KIAA1549L: variants seen among roughly 807,000 people sequenced by gnomAD.
KIAA1549L encodes the protein KIAA1549 like.
KIAA1549L carries 88 observed loss-of-function variants against 160.7 expected under a neutral mutation model. That is an observed-to-expected ratio of 0.55 (90% CI 0.46 to 0.65). The LOEUF (loss-of-function observed/expected upper bound fraction) is 0.65, where lower values mean the gene tolerates loss of function less well. Ranked by LOEUF, KIAA1549L falls within the 30% of genes least tolerant of loss-of-function variation. The pLI, the probability that KIAA1549L is intolerant of heterozygous loss-of-function variation, is 0.00. For missense variants in KIAA1549L, 2,258 were observed against 2,437.5 expected, an observed-to-expected ratio of 0.93 and a Z score of 1.55; for synonymous variants, 950 against 976.7, an observed-to-expected ratio of 0.97 and a Z score of 0.51.
intron 16 of KIAA1549L, among the ~76,000 whole-genome samples, chr11:33,635,746 T>G (rs966538517): frequency 6.6e-6 from 1 of 152,080 alleles, no homozygotes; most frequent in African/African-American, 2.4e-5. Flanking sequence ...CTTTTACTGT[T>G]GAAGACTTTT....
chr11:33,397,602 C>T (rs1234591172), intron 1 of KIAA1549L, among the ~76,000 whole-genome samples: 3 of 151,780 alleles, frequency 2.0e-5, no homozygotes, highest in Non-Finnish European at 4.4e-5. Flanking sequence ...GTCCCAGCTA[C>T]TCGGGAGGCT....
chr11:33,562,228 G>T (rs1854883954), intron 8 of KIAA1549L, among the ~76,000 whole-genome samples: 1 of 152,158 alleles, frequency 6.6e-6, no homozygotes, highest in Non-Finnish European at 1.5e-5. Flanking sequence ...TTTCTCTTTT[G>T]TTCCTTGACA....
At chr11:33,379,840 C>T (rs548333444) in intron 1 of KIAA1549L, among the ~76,000 whole-genome samples, 1 of 152,286 alleles carries the variant, frequency 6.6e-6, no homozygotes, top group Admixed American at 6.5e-5. Context: ...TTTAAAATGG[C>T]AGAAACGATG....
chr11:33,499,934 C>T (rs1179942689), intron 1 of KIAA1549L, among the ~76,000 whole-genome samples: 2 of 152,174 alleles, frequency 1.3e-5, no homozygotes, highest in East Asian at 1.9e-4. Context: ...TTTCAAGGCT[C>T]TCTGGAGTTT....
At chr11:33,599,006 C>T (rs78676199) in intron 13 of KIAA1549L, 59 bp downstream of exon 13, 2 of 1,581,246 alleles carry the variant, frequency 1.3e-6, no homozygotes, top group Admixed American at 1.7e-5. Context: ...CCCGCACACA[C>T]ATGCGTGCAC....
At chr11:33,525,964 T>A (rs972713200) in intron 1 of KIAA1549L, among the ~76,000 whole-genome samples, 7 of 152,020 alleles carry the variant, frequency 4.6e-5, no homozygotes, top group Admixed American at 4.6e-4. Context: ...TTCCCCACAG[T>A]TGCTGCAGCA....
chr11:33,625,156 C>T (rs975721751), intron 16 of KIAA1549L, among the ~76,000 whole-genome samples: 2 of 151,606 alleles, frequency 1.3e-5, no homozygotes, highest in African/African-American at 4.8e-5. Flanking sequence ...TCCAGTCTAT[C>T]ATTGTTGGAC....
Position 33,576,958 on chromosome 11 carries a change from T to C in KIAA1549L, c.4402+2085T>C, listed in dbSNP as rs114563249. On this transcript the variant is annotated intron_variant, in intron 10 of 20. Transcript: ENST00000658780. ...TCAACATATAGGTGACATTTAGAGC[T>C]AAGGGAATAGGTGAGAATAACCAGG... 6.0e-3 allele frequency among the ~76,000 whole-genome samples: 913 copies of C among 152,120 alleles called. 16 individuals are homozygous for C. The highest frequency in any genetic ancestry group is 0.021 in the African/African-American group (878 of 41,494).
At chr11:33,650,343 T>C (rs566861326) in intron 17 of KIAA1549L, among the ~76,000 whole-genome samples, 193 of 152,216 alleles carry the variant, frequency 1.3e-3, no homozygotes, top group African/African-American at 4.4e-3. Context: ...AGAGGGAAGG[T>C]GGGAGAGGAA....
chr11:33,455,987 G>A (rs1312278952), intron 1 of KIAA1549L, among the ~76,000 whole-genome samples: 1 of 152,186 alleles, frequency 6.6e-6, no homozygotes, highest in Non-Finnish European at 1.5e-5. Flanking sequence ...GGTCTGATGT[G>A]TGAGTGATGG....
At chr11:33,399,474 G>A (rs866604727) in intron 1 of KIAA1549L, among the ~76,000 whole-genome samples, 2 of 152,140 alleles carry the variant, frequency 1.3e-5, no homozygotes, top group African/African-American at 2.4e-5. Flanking sequence ...TTTCAGATAA[G>A]ATAAAATTCT....
chr11:33,378,491 CTCTT>C (rs1359955079), intron 1 of KIAA1549L, among the ~76,000 whole-genome samples: 1 of 152,150 alleles, frequency 6.6e-6, no homozygotes, highest in African/African-American at 2.4e-5. Flanking sequence ...CCCTGGTGTC[CTCTT>C]TCTTTTTCCT....
At chr11:33,561,587 C>A in intron 7 of KIAA1549L, 89 bp from the exon 8 acceptor site, 1 of 1,065,528 alleles carries the variant, frequency 9.4e-7, no homozygotes, top group Non-Finnish European at 1.4e-6. Context: ...GGCAACATAT[C>A]AAGATCCCAT....
chr11:33,435,761 T>G (rs7924608), intron 1 of KIAA1549L, among the ~76,000 whole-genome samples: 19,684 of 33,320 alleles, frequency 0.59, 4,842 homozygotes, highest in African/African-American at 0.64. Flanking sequence ...ACCAATAAGA[T>G]ATATATATAT....
chr11:33,584,227 C>G (rs1229475515), intron 11 of KIAA1549L, among the ~76,000 whole-genome samples: 1 of 152,204 alleles, frequency 6.6e-6, no homozygotes, highest in Non-Finnish European at 1.5e-5. Flanking sequence ...TACAGGCCAC[C>G]CAGTCTGTGA....
rs538570871 is a variant in KIAA1549L at position 33,609,784 on chromosome 11, G to A, written c.5097G>A (p.Glu1699=). ...NKALKQKSDI[E]HYRNKLRLKA... The stretch of plus-strand genomic sequence containing the variant: ...CCCTGAAGCAGAAGTCAGACATCGA[G>A]CACTATCGGAACAAGCTGCGCCTCA... Residue 1699 remains glutamate (E), a synonymous_variant, in exon 15 of 21, where the codon GAG becomes GAA. Coordinates refer to ENST00000658780, the MANE Select transcript of KIAA1549L (RefSeq NM_012194.3). The A allele has an allele frequency of 1.2e-6, 2 of 1,612,246 alleles. No homozygotes were observed. The highest frequency in any genetic ancestry group is 1.7e-6 in the Non-Finnish European group (2 of 1,179,164).
In KIAA1549L at chr11:33,658,820, G is replaced by A. The variant is rs781626689; in HGVS notation, c.5929G>A (p.Asp1977Asn). ...AGGGCCCGAGCCGGCCCAGCTGCAC[G>A]ACAGCGCCTCCTTCACGCAGATGTC... The part of the protein sequence containing the change: ...STGPEPAQLH[D>N]SASFTQMSRG... Residue 1977 changes from aspartate (D) to asparagine (N), a missense_variant, in exon 19 of 21, where the codon GAC becomes AAC. Physicochemically the swap from Asp to Asn is conservative, Grantham distance 23. Coordinates refer to ENST00000658780, the MANE Select transcript of KIAA1549L (RefSeq NM_012194.3). 13 of 1,566,708 alleles carry A rather than the reference G, an allele frequency of 8.3e-6. No homozygotes were observed. In the South Asian group the frequency reaches 9.4e-5, roughly 11 times the overall value.
At chr11:33,636,607 G>A (rs761363981) in intron 16 of KIAA1549L, among the ~76,000 whole-genome samples, 10 of 151,904 alleles carry the variant, frequency 6.6e-5, no homozygotes, top group African/African-American at 2.4e-4. Flanking sequence ...CTGGGATTAC[G>A]GGCGTGAACC....
chr11:33,523,020 G>A (rs2133129803), intron 1 of KIAA1549L, among the ~76,000 whole-genome samples: 1 of 152,286 alleles, frequency 6.6e-6, no homozygotes, highest in South Asian at 2.1e-4. Flanking sequence ...AATAAGCCTG[G>A]TAAGATATAA....
Sources: gnomAD v4.1 joint callset for allele counts (sites outside exome capture counted in the v4.1 genomes callset) on GRCh38, gnomAD v4.1.1 for gene constraint, MANE v1.5 for transcripts, NCBI Gene and HGNC (gene_info 2026-07-23, HGNC 2026-07-21) for gene names.